Variants in A2ML1 observed in about 807,000 individuals in gnomAD.
A2ML1 encodes the protein alpha-2-macroglobulin like 1.
A neutral mutation model predicts 181.9 loss-of-function variants in A2ML1; 161 were observed. The observed-to-expected ratio is 0.89, with a 90% CI of 0.78 to 1.01. The LOEUF (loss-of-function observed/expected upper bound fraction) is 1.01. Among genes scored for constraint, A2ML1 ranks in the 50% least tolerant of loss-of-function variants. A2ML1 has a pLI of 0.00. For synonymous variants in A2ML1, 663 were observed against 666.8 expected (o/e 0.99, Z 0.09); for missense variants, 1,670 against 1,768.1 (o/e 0.94, Z 1.00).
At chr12:8,841,264 T>C (rs1328269965) in intron 10 of A2ML1, 105 bp from the exon 11 acceptor site, 3 of 1,009,012 alleles carry the variant, frequency 3.0e-6, no homozygotes, top group African/African-American at 1.6e-5. Flanking sequence ...TTACTTTTAG[T>C]GCCAAAAACC....
chr12:8,831,297 A>G (rs767506502), intron 4 of A2ML1, among the ~76,000 whole-genome samples: 2 of 152,304 alleles, frequency 1.3e-5, no homozygotes, highest in South Asian at 2.1e-4. Context: ...AGCTGCAACA[A>G]GGAAGTGCTG....
chr12:8,838,731 T>C (rs1359561944), intron 9 of A2ML1, among the ~76,000 whole-genome samples: 1 of 151,004 alleles, frequency 6.6e-6, no homozygotes, highest in Admixed American at 6.6e-5. Context: ...GCTAACACGG[T>C]GAAACCCTGT....
At chr12:8,843,600 T>C (rs1340554436) in intron 12 of A2ML1, among the ~76,000 whole-genome samples, 1 of 152,254 alleles carries the variant, frequency 6.6e-6, no homozygotes, top group African/African-American at 2.4e-5. Context: ...TAAAAAGTTT[T>C]AATAGATATT....
At chr12:8,855,825 G>A (rs1429808636) in intron 23 of A2ML1, among the ~76,000 whole-genome samples, 1 of 152,168 alleles carries the variant, frequency 6.6e-6, no homozygotes, top group Admixed American at 6.6e-5. Flanking sequence ...AAGAAGGTAA[G>A]GTCGCTGATG....
chr12:8,877,952 G>C (rs1056521819), downstream of A2ML1, among the ~76,000 whole-genome samples: 1 of 152,170 alleles, frequency 6.6e-6, no homozygotes, highest in Non-Finnish European at 1.5e-5. Context: ...ATCAATGGTA[G>C]AGTGGATAAA....
rs1372950019 is a variant in A2ML1 at position 8,852,338 on chromosome 12, T to C, written c.2590+2T>C. The C allele has an allele frequency of 3.7e-6, 6 of 1,613,842 alleles. No homozygotes were observed. Among genetic ancestry groups the C allele is most frequent in the East Asian group, 4.5e-5 (2 of 44,890 alleles). On this transcript the variant is annotated splice_donor_variant, in intron 20 of 35. Coordinates refer to ENST00000299698, the MANE Select transcript of A2ML1 (RefSeq NM_144670.6). LOFTEE classifies it high-confidence loss of function. The surrounding 1 kb of genome is among the most constrained non-coding windows in gnomAD (Gnocchi z 4.2). ...GGAACATCACAGCTGTCAAATTGGG[T>C]AAGAGAGGGAAGTGGTAGACGGGCG...
chr12:8,849,537 A>T (rs1393851433), intron 16 of A2ML1, 132 bp from the exon 17 acceptor site: 2 of 731,894 alleles, frequency 2.7e-6, no homozygotes, highest in Admixed American at 5.3e-5. Context: ...GTTTCAGGTA[A>T]GAACACCCAG....
intron 7 of A2ML1, among the ~76,000 whole-genome samples, chr12:8,836,629 G>GAT (rs1943287695): frequency 1.3e-5 from 2 of 151,636 alleles, no homozygotes; most frequent in African/African-American, 4.9e-5. Context: ...GATCACAGGC[G>GAT]CGCGCCACCA....
chr12:8,849,675 G>A lies in A2ML1; in HGVS notation c.2035G>A (p.Gly679Ser). 1.9e-6 allele frequency: 3 copies of A among 1,614,024 alleles called. No homozygotes were observed. The highest frequency in any genetic ancestry group is 2.5e-6 in the Non-Finnish European group (3 of 1,179,966). Residue 679 changes from glycine to serine, a missense_variant, in exon 17 of 36, where the codon GGC (glycine) becomes AGC (serine). Transcript: ENST00000299698. ...TDLFSFFRDV[G>S]LKILSNAKIK... ...TTTCTCTGATGCCTATCAGGACGTG[G>A]GCCTGAAAATACTGTCCAATGCCAA...
intron 5 of A2ML1, 86 bp downstream of exon 5, chr12:8,834,768 C>G: frequency 6.5e-7 from 1 of 1,543,276 alleles, no homozygotes; most frequent in East Asian, 2.2e-5. Context: ...ACAGAAGCAA[C>G]TCTGAGATCT....
rs1191025840 is a variant in A2ML1 at position 8,835,403 on chromosome 12, A to G, written c.484-104A>G. On this transcript the variant is annotated intron_variant, in intron 5 of 35. Coordinates refer to ENST00000299698, the MANE Select transcript of A2ML1 (RefSeq NM_144670.6). ...ACACAGACCACAGGGGTCATGAACAATGGGTGGGGTTTTTTACCTGCCTTT... is the reference window on the plus strand; with the variant it reads ...ACACAGACCACAGGGGTCATGAACAGTGGGTGGGGTTTTTTACCTGCCTTT... 1.4e-5 allele frequency: 20 copies of G among 1,429,360 alleles called. No individual in the cohort carries two copies. The East Asian group carries it at 4.1e-4, about 30-fold the overall frequency. The allele number at this position is 1,429,360 out of a possible 1,614,324, so 88.5% of individuals were successfully genotyped here.
intron 33 of A2ML1, among the ~76,000 whole-genome samples, chr12:8,870,292 C>G (rs56311454): frequency 0.056 from 8,570 of 151,720 alleles, 339 homozygotes; most frequent in Non-Finnish European, 0.088. Context: ...TTTTGAGACG[C>G]AGTCTCGCTC....
In A2ML1 at chr12:8,858,091, A is replaced by G. The variant is rs766567832; in HGVS notation, c.3253A>G (p.Thr1085Ala). 6.2e-7 allele frequency: 1 copy of G among 1,614,072 alleles called. No homozygotes were observed. The highest frequency in any genetic ancestry group is 8.5e-7 in the Non-Finnish European group (1 of 1,180,006). The change falls in exon 26 of 36, where the codon ACA (threonine) becomes GCA (alanine). Residue 1085 changes from threonine (T) to alanine (A), a missense_variant. Transcript: ENST00000299698. ...CYANVGNLLH[T>A]AMKGGVDDEV... ...TGCCAACGTGGGAAATCTCCTTCAC[A>G]CAGCTATGAAGGTGCGGATCTGTCC...
At chr12:8,834,718 T>C in intron 5 of A2ML1, 36 bp downstream of exon 5, 3 of 1,613,192 alleles carry the variant, frequency 1.9e-6, no homozygotes, top group Non-Finnish European at 2.5e-6. Flanking sequence ...CTGTCAGTTG[T>C]GGAAGAGGAA....
chr12:8,862,827 C>T (rs1944312002), intron 28 of A2ML1, among the ~76,000 whole-genome samples: 1 of 151,976 alleles, frequency 6.6e-6, no homozygotes. Context: ...TTTCCTGTTA[C>T]GTTCTTCCAA....
Position 8,852,838 on chromosome 12 carries a change from G to A in A2ML1, c.2590+502G>A, listed in dbSNP as rs567456167. Among the ~76,000 whole-genome samples, 23 of 152,014 alleles carry A rather than the reference G, an allele frequency of 1.5e-4. No individual in the cohort carries two copies. The highest frequency in any genetic ancestry group is 3.1e-4 in the Non-Finnish European group (21 of 67,984). On this transcript the variant is annotated intron_variant, in intron 20 of 35. Coordinates refer to ENST00000299698, the MANE Select transcript of A2ML1 (RefSeq NM_144670.6). This position sits in a 1 kb window ranked among gnomAD's most constrained non-coding sequence, Gnocchi z 4.2. ...AGCCTCCCAAGTAGCTAGGATTACA[G>A]TCGCGTGCCACCCTACCCGGCTAAT...
At chr12:8,836,232 A>T in intron 6 of A2ML1, 23 bp from the exon 7 acceptor site, 1 of 1,608,952 alleles carries the variant, frequency 6.2e-7, no homozygotes, top group Non-Finnish European at 8.5e-7. Context: ...TGCTTTCTCC[A>T]TTTCTCCTTT....
intron 7 of A2ML1, among the ~76,000 whole-genome samples, chr12:8,885,209 T>A (rs773711100): frequency 6.6e-6 from 1 of 152,318 alleles, no homozygotes; most frequent in East Asian, 1.9e-4. Flanking sequence ...GAACAAAAGT[T>A]CTTAATTTTA....
chr12:8,878,209 AG>A (rs1236048846), downstream of A2ML1, among the ~76,000 whole-genome samples: 2 of 152,212 alleles, frequency 1.3e-5, no homozygotes, highest in African/African-American at 4.8e-5. This position sits in a 1 kb window ranked among gnomAD's most constrained non-coding sequence, Gnocchi z 4.4. Context: ...AGGCTGAGGC[AG>A]GAGAATTGCT....
Sources: allele counts gnomAD v4.1 joint callset (sites outside exome capture counted in the v4.1 genomes callset), GRCh38; gene constraint gnomAD v4.1.1; non-coding constraint Gnocchi (gnomAD v3.1); transcripts MANE v1.5; gene names NCBI Gene and HGNC (gene_info 2026-07-23, HGNC 2026-07-21).